The following PHGDH variants were observed in gnomAD, a reference collection of about 807,000 sequenced individuals.
PHGDH encodes the protein phosphoglycerate dehydrogenase, also known as D-3-phosphoglycerate dehydrogenase.
A neutral mutation model predicts 52.6 loss-of-function variants in PHGDH; 50 were observed. The observed-to-expected ratio is 0.95, with a 90% CI of 0.76 to 1.20. PHGDH has a LOEUF of 1.20. Ranked by LOEUF, PHGDH falls within the 50% of genes most tolerant of loss-of-function variation. PHGDH has a pLI of 0.00. For missense variants in PHGDH, 630 were observed against 684.6 expected, an observed-to-expected ratio of 0.92 and a Z score of 0.89; for synonymous variants, 271 against 280.5, an observed-to-expected ratio of 0.97 and a Z score of 0.34.
At chr1:119,736,436 G>A (rs1651936567) in intron 7 of PHGDH, among the ~76,000 whole-genome samples, 1 of 152,180 alleles carries the variant, frequency 6.6e-6, no homozygotes, top group Non-Finnish European at 1.5e-5. Context: ...AGGGTTAAAT[G>A]GTCAAAATTC....
Position 119,721,446 on chromosome 1 carries a change from C to T in PHGDH, c.290+125C>T. On this transcript the variant is annotated intron_variant, in intron 2 of 11. Coordinates refer to ENST00000641023, the MANE Select transcript of PHGDH (RefSeq NM_006623.4). ...CATTGGAAGGGCTTCCAGGAGGATG[C>T]CTGGTCTAGGGCCTGCATGGTCAAC... 6 of 944,610 alleles carry T rather than the reference C, an allele frequency of 6.4e-6. No individual in the cohort carries two copies. The South Asian group carries it at 9.7e-5, about 15-fold the overall frequency. 58.5% of individuals were successfully genotyped at this position (944,610 alleles called of 1,614,324 possible). A position where few individuals can be genotyped will look rare whatever the true frequency, so the allele number is the denominator to read the frequency against.
chr1:119,742,758 A>AC, intron 10 of PHGDH, 49 bp from the exon 11 acceptor site: 1 of 1,138,378 alleles, frequency 8.8e-7, no homozygotes, highest in South Asian at 1.3e-5. Context: ...AGGAGGGTGG[A>AC]CGTGGTGCAG....
At chr1:119,716,145 G>A (rs1650924739) in intron 1 of PHGDH, among the ~76,000 whole-genome samples, 1 of 152,084 alleles carries the variant, frequency 6.6e-6, no homozygotes, top group Non-Finnish European at 1.5e-5. Context: ...GTTGTAAGAG[G>A]CCTTGGAAGC....
chr1:119,735,177 G>T, intron 6 of PHGDH, 118 bp from the exon 7 acceptor site: 5 of 1,351,096 alleles, frequency 3.7e-6, no homozygotes, highest in Non-Finnish European at 5.3e-6. Context: ...CTGCCGTCCA[G>T]CAGGAGAGAG....
At chr1:119,724,767 C>A in intron 3 of PHGDH, 1 of 456,070 alleles carries the variant, frequency 2.2e-6, no homozygotes, top group Non-Finnish European at 4.4e-6. Flanking sequence ...GCCAGCAATA[C>A]TTTCCCTCCT....
chr1:119,742,628 A>G, intron 10 of PHGDH, 179 bp from the exon 11 acceptor site: 1 of 644,772 alleles, frequency 1.6e-6, no homozygotes, highest in East Asian at 2.7e-5. Context: ...TGTTCCAGGA[A>G]GCTGATGCCG....
intron 8 of PHGDH, among the ~76,000 whole-genome samples, chr1:119,739,153 C>T (rs762838692): frequency 6.6e-6 from 1 of 152,242 alleles, no homozygotes; most frequent in African/African-American, 2.4e-5. Context: ...AATTCTCCCA[C>T]CTGTCCACCA....
intron 7 of PHGDH, among the ~76,000 whole-genome samples, chr1:119,736,609 C>T (rs1209063539): frequency 6.6e-6 from 1 of 152,156 alleles, no homozygotes; most frequent in Non-Finnish European, 1.5e-5. Flanking sequence ...GATGCAGTTA[C>T]CTGCGTGGAG....
intron 1 of PHGDH, 103 bp downstream of exon 1, chr1:119,712,263 A>C: frequency 1.4e-5 from 14 of 969,358 alleles, no homozygotes; most frequent in East Asian, 9.2e-5. Context: ...CCCCGTATCA[A>C]TTAGTTCCGG....
intron 7 of PHGDH, 65 bp downstream of exon 7, chr1:119,735,508 A>G (rs115960082): frequency 6.6e-5 from 100 of 1,509,516 alleles, no homozygotes; most frequent in Non-Finnish European, 8.9e-5. Flanking sequence ...GGCCCATGGC[A>G]GGGAAAGCCT....
chr1:119,734,427 A>G, intron 5 of PHGDH: 1 of 600,576 alleles, frequency 1.7e-6, no homozygotes. Flanking sequence ...GAATTAATTA[A>G]GCTGATCATG....
Position 119,735,425 on chromosome 1 carries a change from A to C in PHGDH, c.774A>C (p.Ala258=). The change falls in exon 7 of 12, where the codon GCA becomes GCC. Residue 258 remains alanine (A), a synonymous_variant. Transcript: ENST00000641023. ...AGTCTGGCCAGTGTGCCGGGGCTGC[A>C]CTGGACGTGTTTACGGAAGTAAGTG... ...ALQSGQCAGA[A]LDVFTEEPPR... is the part of the protein sequence containing the mutation. The C allele has an allele frequency of 6.2e-7, 1 of 1,613,572 alleles. No homozygotes were observed. The highest frequency in any genetic ancestry group is 1.1e-5 in the South Asian group (1 of 91,090).
At chr1:119,726,735 C>T in intron 3 of PHGDH, 116 bp from the exon 4 acceptor site, 1 of 818,796 alleles carries the variant, frequency 1.2e-6, no homozygotes, top group Admixed American at 1.8e-5. Context: ...CCCCCAGACC[C>T]AGTTCTTGGG....
In PHGDH at chr1:119,734,871, G is replaced by T. The variant is rs772621932; in HGVS notation, c.643+105G>T. On this transcript the variant is annotated intron_variant, in intron 6 of 11. Transcript: ENST00000641023. ...CCAGACAGTGGTAACCAGCTGTGGG[G>T]AGAGGTCCACCTGGGTCCTGCAGAG... is the stretch of plus-strand genomic sequence containing the variant. 6.9e-6 allele frequency: 9 copies of T among 1,295,602 alleles called. No individual in the cohort carries two copies. In the South Asian group the frequency reaches 1.1e-4, roughly 15 times the overall value. The allele number at this position is 1,295,602 out of a possible 1,614,324, so 80.3% of individuals were successfully genotyped here. A position where few individuals can be genotyped will look rare whatever the true frequency, so the allele number is the denominator to read the frequency against.
In PHGDH at chr1:119,744,112, GA is replaced by G; in HGVS notation, c.*76del. On this transcript the variant is annotated 3_prime_UTR_variant, in exon 12 of 12. Transcript: ENST00000641023. ...CCACCCACTGTGATCAATAGGGAGA[GA>G]AAATCCACATTCTTGGGCTGAACGC... 1 of 1,420,372 alleles carries G rather than the reference GA, an allele frequency of 7.0e-7. No homozygotes were observed. The highest frequency in any genetic ancestry group is 1.0e-6 in the Non-Finnish European group (1 of 1,004,314). 88.0% of individuals were successfully genotyped at this position (1,420,372 alleles called of 1,614,324 possible). A position where few individuals can be genotyped will look rare whatever the true frequency, so the allele number is the denominator to read the frequency against.
At position 119,735,515 on chromosome 1, in the gene PHGDH, G is replaced by A. The variant is rs1651892568; in HGVS notation, c.792+72G>A. The A allele has an allele frequency of 2.0e-6, 3 of 1,471,064 alleles. No individual in the cohort carries two copies. In the Admixed American group the frequency reaches 5.3e-5, roughly 26 times the overall value. 91.1% of individuals were successfully genotyped at this position (1,471,064 alleles called of 1,614,324 possible). Reference sequence around the variant, plus strand: ...AGCAGAGAGGCCCATGGCAGGGAAAGCCTGGCGTTTTACAGAAAGCCTCTA... The same window carrying A: ...AGCAGAGAGGCCCATGGCAGGGAAAACCTGGCGTTTTACAGAAAGCCTCTA... On this transcript the variant is annotated intron_variant, in intron 7 of 11. Coordinates refer to ENST00000641023, the MANE Select transcript of PHGDH (RefSeq NM_006623.4).
At chr1:119,743,540 G>A (rs925178517) in intron 11 of PHGDH, among the ~76,000 whole-genome samples, 12 of 152,210 alleles carry the variant, frequency 7.9e-5, no homozygotes, top group Non-Finnish European at 1.8e-4. Flanking sequence ...GTCCATGTTT[G>A]GCGGAGGGTG....
At chr1:119,718,118 G>T (rs899563341) in intron 1 of PHGDH, among the ~76,000 whole-genome samples, 6 of 152,178 alleles carry the variant, frequency 3.9e-5, no homozygotes, top group African/African-American at 1.4e-4. Flanking sequence ...GTCACCAGAA[G>T]ATCCAGGGAC....
intron 5 of PHGDH, among the ~76,000 whole-genome samples, chr1:119,733,670 C>T (rs1651804816): frequency 1.3e-5 from 2 of 152,188 alleles, no homozygotes; most frequent in South Asian, 4.2e-4. Flanking sequence ...ATACTGTATC[C>T]CTAATTTCAA....
Sources: gnomAD v4.1 joint callset for allele counts (sites outside exome capture counted in the v4.1 genomes callset) on GRCh38, gnomAD v4.1.1 for gene constraint, MANE v1.5 for transcripts, NCBI Gene and HGNC (gene_info 2026-07-23, HGNC 2026-07-21) for gene names.